DNAI2: variants seen among roughly 807,000 people sequenced by gnomAD.
DNAI2 encodes the protein dynein, axonemal, intermediate polypeptide 2.
Under a neutral mutation model 74.7 loss-of-function variants are expected in DNAI2, and 63 were observed. That is an observed-to-expected ratio of 0.84 (90% CI 0.69 to 1.04). The LOEUF is 1.04. Ranked by LOEUF, DNAI2 falls within the 50% of genes least tolerant of loss-of-function variation. The pLI, the probability that DNAI2 is intolerant of heterozygous loss-of-function variation, is 0.00. For missense variants in DNAI2, 688 were observed against 803.2 expected, an observed-to-expected ratio of 0.86 and a Z score of 1.73; for synonymous variants, 289 against 314.9, an observed-to-expected ratio of 0.92 and a Z score of 0.87.
rs113988709 is a variant in DNAI2, at chr17:74,287,233, T to C, written c.467+135T>C. On this transcript the variant is annotated intron_variant, in intron 4 of 13. Coordinates refer to ENST00000311014, the MANE Select transcript of DNAI2 (RefSeq NM_023036.6). ...TGTGCTCTGAGCTTGATAAGTGACGTGGTGATAAGTCACCCAGCAGAGAAG... is the reference window on the plus strand; with the variant it reads ...TGTGCTCTGAGCTTGATAAGTGACGCGGTGATAAGTCACCCAGCAGAGAAG... 6.5e-3 allele frequency: 9,112 copies of C among 1,399,702 alleles called. 49 individuals carry two copies. The highest frequency in any genetic ancestry group is 0.012 in the Middle Eastern group (48 of 4,092). 86.7% of individuals were successfully genotyped at this position (1,399,702 alleles called of 1,614,324 possible). A position where few individuals can be genotyped will look rare whatever the true frequency, so the allele number is the denominator to read the frequency against.
chr17:74,291,312 C>G (rs929474348), intron 6 of DNAI2, among the ~76,000 whole-genome samples, 179 bp downstream of exon 6: 1 of 152,116 alleles, frequency 6.6e-6, no homozygotes. Flanking sequence ...AGGCACCCAC[C>G]ACCACACCTG....
intron 9 of DNAI2, among the ~76,000 whole-genome samples, chr17:74,306,934 A>T (rs947790489): frequency 2.0e-5 from 3 of 152,064 alleles, no homozygotes; most frequent in East Asian, 1.9e-4. Flanking sequence ...TGATTTTTTT[A>T]AAATCCAGAT....
intron 3 of DNAI2, among the ~76,000 whole-genome samples, chr17:74,286,714 C>T (rs971004486): frequency 7.2e-5 from 11 of 152,180 alleles, no homozygotes; most frequent in South Asian, 2.1e-4. Flanking sequence ...CGTGAGCCAC[C>T]GCACCCAGCC....
chr17:74,296,333 G>GA (rs145683700), intron 6 of DNAI2, among the ~76,000 whole-genome samples: 7 of 44,634 alleles, frequency 1.6e-4, no homozygotes, highest in Non-Finnish European at 4.9e-4. Flanking sequence ...GAGAGAGAGA[G>GA]GAGAGAGAGA....
intron 9 of DNAI2, among the ~76,000 whole-genome samples, chr17:74,307,922 T>C (rs2053281758): frequency 6.6e-6 from 1 of 151,862 alleles, no homozygotes; most frequent in Non-Finnish European, 1.5e-5. Context: ...CTCAGCCTCC[T>C]GAGTAGCTGG....
Position 74,311,989 on chromosome 17 carries a change from C to T in DNAI2, c.1495-14C>T. The T allele has an allele frequency of 6.2e-7, 1 of 1,610,482 alleles. No homozygotes were observed. On this transcript the variant is annotated splice_polypyrimidine_tract_variant and intron_variant, in intron 11 of 13. Transcript: ENST00000311014. ...CCTCTCCCCACCGGGCTCTCTCTGT[C>T]CCTGGGTGCCCAGATGTTTGAGCGT...
chr17:74,305,187 A>T, intron 8 of DNAI2, 32 bp from the exon 9 acceptor site: 1 of 1,609,314 alleles, frequency 6.2e-7, no homozygotes, highest in East Asian at 2.2e-5. Context: ...TGGTTCGTGG[A>T]GTCTTCCCCT....
intron 11 of DNAI2, 37 bp from the exon 12 acceptor site, chr17:74,311,965 CT>C: frequency 6.2e-7 from 1 of 1,604,734 alleles, no homozygotes; most frequent in Non-Finnish European, 8.5e-7. Flanking sequence ...CCATCCTGCC[CT>C]CTCCCCACCG....
In DNAI2 at chr17:74,300,011, C is replaced by G. The variant is rs139228886; in HGVS notation, c.864+154C>G. Among the ~76,000 whole-genome samples the G allele has an allele frequency of 2.0e-5, 3 of 152,200 alleles. No homozygotes were observed. Among genetic ancestry groups the G allele is most frequent in the Non-Finnish European group, 2.9e-5 (2 of 68,042 alleles). On this transcript the variant is annotated intron_variant, in intron 7 of 13. Coordinates refer to ENST00000311014, the MANE Select transcript of DNAI2 (RefSeq NM_023036.6). This position sits in a 1 kb window ranked among gnomAD's most constrained non-coding sequence, Gnocchi z 4.5. ...TTGCCCAGGCTGGAGTGCAATGGCA[C>G]GATCTTGGTTCACTGCAACCTCTGC... is the stretch of plus-strand genomic sequence containing the variant.
chr17:74,305,537 G>T, intron 9 of DNAI2, 95 bp downstream of exon 9: 3 of 1,145,848 alleles, frequency 2.6e-6, no homozygotes, highest in Non-Finnish European at 2.5e-6. Flanking sequence ...GCCTCCATAT[G>T]TAAAATGGAG....
At position 74,306,888 on chromosome 17, in the gene DNAI2, G is replaced by A. The variant is rs529502142; in HGVS notation, c.1211+1446G>A. 1.6e-4 allele frequency among the ~76,000 whole-genome samples: 24 copies of A among 152,376 alleles called. No homozygotes were observed. The Middle Eastern group carries it at 0.017, about 108-fold the overall frequency. On this transcript the variant is annotated intron_variant, in intron 9 of 13. Coordinates refer to ENST00000311014, the MANE Select transcript of DNAI2 (RefSeq NM_023036.6). ...CTGCCTCAGCCTCCCGAAGGGCTGG[G>A]ATTACAGGCATGAGCCACCGTGCCT...
chr17:74,306,217 A>G (rs1036107493), intron 9 of DNAI2, among the ~76,000 whole-genome samples: 10 of 152,306 alleles, frequency 6.6e-5, no homozygotes, highest in African/African-American at 2.2e-4. Context: ...CTCTGAGGAG[A>G]GCAACAGACA....
At chr17:74,291,634 T>A (rs972749773) in intron 6 of DNAI2, among the ~76,000 whole-genome samples, 1 of 152,214 alleles carries the variant, frequency 6.6e-6, no homozygotes, top group African/African-American at 2.4e-5. Context: ...CTCCTGTTAC[T>A]ACTGTAAGTC....
chr17:74,301,986 G>A (rs1215249917), intron 8 of DNAI2, among the ~76,000 whole-genome samples: 2 of 30,724 alleles, frequency 6.5e-5, no homozygotes, highest in African/African-American at 1.4e-4. Flanking sequence ...AAGGAAGGAA[G>A]GAAGGAAGGA....
At chr17:74,277,928 A>G (rs2051190992) in intron 1 of DNAI2, among the ~76,000 whole-genome samples, 1 of 152,224 alleles carries the variant, frequency 6.6e-6, no homozygotes, top group Non-Finnish European at 1.5e-5. Flanking sequence ...CTGGAGAATT[A>G]AAGAAAAAAA....
chr17:74,312,185 G>T lies in DNAI2; in HGVS notation c.1677G>T (p.Glu559Asp). 6.2e-7 allele frequency: 1 copy of T among 1,611,046 alleles called. No individual in the cohort carries two copies. The highest frequency in any genetic ancestry group is 1.7e-5 in the Admixed American group (1 of 59,752). Residue 559 changes from glutamate (E) to aspartate (D), a missense_variant, in exon 12 of 14, where the codon GAG becomes GAT. Coordinates refer to ENST00000311014, the MANE Select transcript of DNAI2 (RefSeq NM_023036.6). Reference sequence around the variant, plus strand: ...AGTTCTTCGACATCATCTTCGCAGAGCTGAAGAAGAAGGAGGCAGACGCCA... The same window carrying T: ...AGTTCTTCGACATCATCTTCGCAGATCTGAAGAAGAAGGAGGCAGACGCCA... The part of the protein sequence containing the change: ...EEEFFDIIFA[E>D]LKKKEADAIK...
chr17:74,289,651 C>T lies in DNAI2; in HGVS notation c.525C>T (p.Asn175=). The change falls in exon 5 of 14, where the codon AAC becomes AAT. Residue 175 remains asparagine (N), a synonymous_variant. Transcript: ENST00000311014. ...ATHLSWHPDG[N]RKLAVAYSCL... ...ACCTCTCCTGGCACCCCGATGGCAA[C>T]AGGAAGTTGGCAGTGGCATACTCCT... 2 of 1,614,146 alleles carry T rather than the reference C, an allele frequency of 1.2e-6. No homozygotes were observed. The highest frequency in any genetic ancestry group is 1.3e-5 in the African/African-American group (1 of 75,048).
chr17:74,295,832 C>T (rs1304441522), intron 6 of DNAI2, among the ~76,000 whole-genome samples: 1 of 152,128 alleles, frequency 6.6e-6, no homozygotes, highest in African/African-American at 2.4e-5. Flanking sequence ...CACTTATAGT[C>T]TCTGCTTAGC....
intron 2 of DNAI2, among the ~76,000 whole-genome samples, chr17:74,283,623 A>C (rs2051513763): frequency 6.6e-6 from 1 of 151,982 alleles, no homozygotes; most frequent in Non-Finnish European, 1.5e-5. Context: ...ATAAATAACT[A>C]AATAACTAAA....
Sources: gnomAD v4.1 joint callset for allele counts (sites outside exome capture counted in the v4.1 genomes callset) on GRCh38, gnomAD v4.1.1 for gene constraint, Gnocchi (gnomAD v3.1) non-coding constraint, MANE v1.5 for transcripts, NCBI Gene and HGNC (gene_info 2026-07-23, HGNC 2026-07-21) for gene names.